Variants in ASPH observed in about 807,000 individuals in gnomAD.
ASPH encodes aspartyl/asparaginyl beta-hydroxylase.
Under a neutral mutation model 118.4 loss-of-function variants are expected in ASPH, and 100 were observed. The observed-to-expected ratio is 0.84, with a 90% CI of 0.72 to 1.00. ASPH has a LOEUF of 1.00. Among genes scored for constraint, ASPH ranks in the 50% least tolerant of loss-of-function variants. The pLI, the probability that ASPH is intolerant of heterozygous loss-of-function variation, is 0.00. For missense variants in ASPH, 920 were observed against 919.5 expected (o/e 1.00, Z -0.01); for synonymous variants, 315 against 325.6 (o/e 0.97, Z 0.35).
At chr8:61,586,330 T>A (rs531267197) in intron 14 of ASPH, among the ~76,000 whole-genome samples, 2 of 152,332 alleles carry the variant, frequency 1.3e-5, no homozygotes, top group South Asian at 2.1e-4. Flanking sequence ...ACGAAAATTA[T>A]AAATCCAAGC....
Position 61,643,268 on chromosome 8 carries a change from T to C in ASPH, c.757+118A>G, listed in dbSNP as rs555842877. 52 of 953,532 alleles carry C rather than the reference T, an allele frequency of 5.5e-5. No homozygotes were observed. In the African/African-American group the frequency reaches 8.2e-4, roughly 15 times the overall value. 59.1% of individuals were successfully genotyped at this position (953,532 alleles called of 1,614,324 possible). ...TTGTTATAAAACAAAATCTCATGCA[T>C]TAGATGTCGAAATTACTTCTTTGAT... On this transcript the variant is annotated intron_variant, in intron 9 of 24. Transcript: ENST00000379454.
At chr8:61,575,309 T>C (rs918716532) in intron 16 of ASPH, among the ~76,000 whole-genome samples, 4 of 152,266 alleles carry the variant, frequency 2.6e-5, no homozygotes, top group Admixed American at 6.5e-5. Flanking sequence ...CATATTTATT[T>C]ATAAAGACTT....
chr8:61,510,698 G>T (rs1451481189), intron 24 of ASPH, among the ~76,000 whole-genome samples: 1 of 152,236 alleles, frequency 6.6e-6, no homozygotes, highest in African/African-American at 2.4e-5. Flanking sequence ...CAGGGGTCAA[G>T]ACATGGTATG....
At chr8:61,608,121 C>G (rs1049538780) in intron 14 of ASPH, among the ~76,000 whole-genome samples, 2 of 152,158 alleles carry the variant, frequency 1.3e-5, no homozygotes, top group African/African-American at 4.8e-5. Context: ...GCAGTAGTAA[C>G]TGACGGCATC....
chr8:61,694,025 C>T (rs1833339980), intron 1 of ASPH, among the ~76,000 whole-genome samples: 1 of 152,182 alleles, frequency 6.6e-6, no homozygotes, highest in African/African-American at 2.4e-5. Flanking sequence ...GCCTGCCACC[C>T]TCCCATATTC....
At chr8:61,559,402 C>T (rs1031151553) in intron 18 of ASPH, among the ~76,000 whole-genome samples, 4 of 152,074 alleles carry the variant, frequency 2.6e-5, no homozygotes, top group Non-Finnish European at 5.9e-5. Context: ...CATCCCTAAC[C>T]CCTGTGTTGT....
intron 19 of ASPH, 55 bp downstream of exon 19, chr8:61,555,869 C>T: frequency 2.0e-6 from 3 of 1,478,578 alleles, no homozygotes; most frequent in Non-Finnish European, 2.8e-6. Context: ...CAAGTGTGTC[C>T]CAATAACTCG....
chr8:61,514,326 T>A (rs575184624), intron 24 of ASPH, among the ~76,000 whole-genome samples: 54 of 151,988 alleles, frequency 3.6e-4, no homozygotes, highest in South Asian at 1.0e-3. Context: ...TTTTTTTTTT[T>A]AATTTTAGAC....
chr8:61,677,466 TGTCTCCATGTAGTATA>T (rs568053534), intron 3 of ASPH, among the ~76,000 whole-genome samples: 142 of 152,226 alleles, frequency 9.3e-4, no homozygotes, highest in African/African-American at 3.3e-3. Flanking sequence ...CAACACACAA[TGTCTCCATGTAGTATA>T]ACTACCAGCA....
At chr8:61,676,534 A>C (rs1825479084) in intron 3 of ASPH, among the ~76,000 whole-genome samples, 1 of 152,136 alleles carries the variant, frequency 6.6e-6, no homozygotes, top group Non-Finnish European at 1.5e-5. Flanking sequence ...ACCAAGCCTC[A>C]CCACTCCTAC....
Position 61,555,949 on chromosome 8 carries a change from A to G in ASPH, c.1511T>C (p.Ile504Thr), listed in dbSNP as rs752169931. The change falls in exon 19 of 25, where the codon ATT becomes ACT. Residue 504 changes from isoleucine to threonine, a missense_variant. Physicochemically the swap from Ile to Thr is moderately conservative, Grantham distance 89 (BLOSUM62 -1). Transcript: ENST00000379454. ...CTTTAAATATGGGATGCTCTCAGCA[A>G]TTTTGTTCTGTGCCTTCAGGATGAA... ...YGFILKAQNK[I>T]AESIPYLKEG... The G allele has an allele frequency of 3.7e-6, 6 of 1,614,090 alleles. No individual in the cohort carries two copies. Among genetic ancestry groups the G allele is most frequent in the African/African-American group, 1.3e-5 (1 of 75,056 alleles).
At chr8:61,608,344 G>A (rs1377244878) in intron 14 of ASPH, among the ~76,000 whole-genome samples, 5 of 152,106 alleles carry the variant, frequency 3.3e-5, no homozygotes, top group Admixed American at 6.5e-5. Context: ...AAGGGTCTCC[G>A]CCAAGATTCA....
intron 1 of ASPH, among the ~76,000 whole-genome samples, chr8:61,691,903 G>C (rs1305898065): frequency 6.6e-6 from 1 of 152,146 alleles, no homozygotes; most frequent in East Asian, 1.9e-4. Context: ...GCAACTGCTG[G>C]AGCTGGTAGG....
chr8:61,550,442 T>TACACACACACAC (rs34577657), intron 20 of ASPH, among the ~76,000 whole-genome samples: 55 of 147,686 alleles, frequency 3.7e-4, no homozygotes, highest in African/African-American at 9.7e-4. Flanking sequence ...CACATGTACA[T>TACACACACACAC]ACACACACAC....
At chr8:61,612,215 C>T (rs577339801) in intron 14 of ASPH, among the ~76,000 whole-genome samples, 7 of 151,912 alleles carry the variant, frequency 4.6e-5, no homozygotes, top group East Asian at 3.9e-4. Context: ...AGAAGCAGTT[C>T]GAGATCTAGA....
intron 14 of ASPH, among the ~76,000 whole-genome samples, chr8:61,584,589 T>G (rs931339945): frequency 1.3e-5 from 2 of 152,098 alleles, no homozygotes; most frequent in African/African-American, 2.4e-5. Flanking sequence ...AAGCTTTTTG[T>G]GCCATTTCTT....
At chr8:61,536,932 T>C (rs1319389248) in intron 21 of ASPH, among the ~76,000 whole-genome samples, 1 of 152,192 alleles carries the variant, frequency 6.6e-6, no homozygotes, top group Non-Finnish European at 1.5e-5. Flanking sequence ...AGGAAAAGGA[T>C]AACATGAGGC....
At chr8:61,706,323 T>C (rs1214624959) in intron 1 of ASPH, among the ~76,000 whole-genome samples, 2 of 139,858 alleles carry the variant, frequency 1.4e-5, no homozygotes, top group Non-Finnish European at 3.0e-5. Context: ...CCAGGGAGGC[T>C]GAGGTCGGAG....
chr8:61,633,760 A>C (rs756760505), intron 12 of ASPH, 33 bp from the exon 13 acceptor site: 15 of 1,486,970 alleles, frequency 1.0e-5, no homozygotes, highest in Middle Eastern at 3.8e-4. Context: ...AATCTGTTAC[A>C]TATTGCTGAT....
Sources: gnomAD v4.1 joint callset for allele counts (sites outside exome capture counted in the v4.1 genomes callset) on GRCh38, gnomAD v4.1.1 for gene constraint, MANE v1.5 for transcripts, NCBI Gene and HGNC (gene_info 2026-07-23, HGNC 2026-07-21) for gene names.